Variants in DAB1 observed in about 807,000 individuals in gnomAD.
DAB1 encodes disabled homolog 1.
In DAB1, 15 loss-of-function variants were observed where a neutral mutation model predicts 64.6. The observed-to-expected ratio is 0.23, with a 90% CI of 0.16 to 0.36. The LOEUF (loss-of-function observed/expected upper bound fraction) is 0.36. Among genes scored for constraint, DAB1 ranks in the 10% least tolerant of loss-of-function variants. DAB1 has a pLI of 1.00. For synonymous variants in DAB1, 235 were observed against 251.9 expected (o/e 0.93, Z 0.64); for missense variants, 596 against 706.7 (o/e 0.84, Z 1.78).
rs369564505 is a variant in DAB1, at chr1:57,644,068, C to T, written n.625+5524G>A. ...TCTATATCACCTTGTGCCTTGTCAA[C>T]ATTCAGAATCAAGGCATTATCTTCG... On this transcript the variant is annotated intron_variant and non_coding_transcript_variant, in intron 7 of 20. Transcript: ENST00000485760. Among the ~76,000 whole-genome samples, 11 of 152,264 alleles carry T rather than the reference C, an allele frequency of 7.2e-5. No homozygotes were observed. In the East Asian group the frequency reaches 1.7e-3, roughly 24 times the overall value.
intron 5 of DAB1, among the ~76,000 whole-genome samples, chr1:57,906,866 T>C (rs759342861): frequency 6.6e-6 from 1 of 152,094 alleles, no homozygotes; most frequent in Non-Finnish European, 1.5e-5. Flanking sequence ...GATAAATGAA[T>C]AGATGTGTAT....
chr1:57,303,681 A>C lies in DAB1; in HGVS notation c.-136-12515T>G, dbSNP rs953979473. On this transcript the variant is annotated intron_variant, in intron 1 of 14. Coordinates refer to ENST00000371236, the MANE Select transcript of DAB1 (RefSeq NM_001365792.1). ...TAGAAAAACAAACAAACAAAAAAAAACAGATAATTAGGAAGGGGAAAGAGA... is the reference window on the plus strand; with the variant it reads ...TAGAAAAACAAACAAACAAAAAAAACCAGATAATTAGGAAGGGGAAAGAGA... Among the ~76,000 whole-genome samples, 13 of 152,246 alleles carry C rather than the reference A, an allele frequency of 8.5e-5. No homozygotes were observed. The East Asian group carries it at 9.7e-4, about 11-fold the overall frequency.
intron 7 of DAB1, among the ~76,000 whole-genome samples, chr1:57,490,375 C>T (rs944707832): frequency 4.6e-5 from 7 of 152,152 alleles, no homozygotes; most frequent in East Asian, 1.9e-4. Flanking sequence ...TCAGTACTCA[C>T]TTTATTATTT....
chr1:57,171,303 T>C (rs17541376), intron 2 of DAB1, among the ~76,000 whole-genome samples: 10,257 of 152,250 alleles, frequency 0.067, 469 homozygotes, highest in Non-Finnish European at 0.1. Context: ...ATTTTAAAAC[T>C]GCTCAATTAA....
chr1:57,007,893 G>A (rs1048001909), intron 14 of DAB1, among the ~76,000 whole-genome samples: 2 of 152,178 alleles, frequency 1.3e-5, no homozygotes, highest in African/African-American at 4.8e-5. Flanking sequence ...GGTGGATGGG[G>A]GAATGGGATG....
At chr1:58,426,933 C>T (rs1165760891) in intron 3 of DAB1, among the ~76,000 whole-genome samples, 2 of 152,186 alleles carry the variant, frequency 1.3e-5, no homozygotes, top group Admixed American at 6.5e-5. Flanking sequence ...GGAAAGGCCT[C>T]ACTGCAAAGA....
intron 5 of DAB1, among the ~76,000 whole-genome samples, chr1:58,070,528 G>T (rs1191827239): frequency 2.0e-5 from 3 of 152,178 alleles, no homozygotes; most frequent in African/African-American, 7.2e-5. Flanking sequence ...GTCACATAAT[G>T]GCTTTAACCA....
At chr1:57,906,258 T>A (rs1256455317) in intron 5 of DAB1, among the ~76,000 whole-genome samples, 2 of 152,162 alleles carry the variant, frequency 1.3e-5, no homozygotes, top group East Asian at 3.8e-4. Flanking sequence ...CCAATACCTA[T>A]ATAGCATCAG....
At position 58,235,322 on chromosome 1, in the gene DAB1, T is replaced by C. The variant is rs575582806; in HGVS notation, n.310-84734A>G. ...TGAAGGTCAGATATTTGGTAAGAGG[T>C]GGAACTAGGATCTGAATGCAGCACT... is the stretch of plus-strand genomic sequence containing the variant. On this transcript the variant is annotated intron_variant and non_coding_transcript_variant, in intron 4 of 20. Transcript: ENST00000485760. 3.9e-3 allele frequency among the ~76,000 whole-genome samples: 592 copies of C among 152,278 alleles called. 2 individuals are homozygous for C. The highest frequency in any genetic ancestry group is 6.2e-3 in the Non-Finnish European group (423 of 68,022).
intron 2 of DAB1, among the ~76,000 whole-genome samples, chr1:57,210,568 T>A (rs1339998466): frequency 6.6e-6 from 1 of 152,126 alleles, no homozygotes; most frequent in Non-Finnish European, 1.5e-5. Context: ...ACCAAAGGCC[T>A]CATTCATCAA....
At chr1:57,960,493 T>TAAA (rs34447871) in intron 5 of DAB1, among the ~76,000 whole-genome samples, 3 of 139,548 alleles carry the variant, frequency 2.1e-5, no homozygotes, top group African/African-American at 2.7e-5. Flanking sequence ...GGAACCAAAT[T>TAAA]AAAAAAAAAA....
At chr1:58,179,886 CA>C (rs1570453597) in intron 4 of DAB1, among the ~76,000 whole-genome samples, 1 of 151,868 alleles carries the variant, frequency 6.6e-6, no homozygotes, top group East Asian at 1.9e-4. Flanking sequence ...GGTTCTACAT[CA>C]TTGAATTCAG....
At chr1:57,988,596 G>C (rs747867289) in intron 5 of DAB1, among the ~76,000 whole-genome samples, 3 of 152,128 alleles carry the variant, frequency 2.0e-5, no homozygotes, top group Non-Finnish European at 2.9e-5. Context: ...CCTCTAATGA[G>C]ATGGAATCCC....
At chr1:58,286,578 C>A (rs1395636460) in intron 4 of DAB1, among the ~76,000 whole-genome samples, 1 of 152,186 alleles carries the variant, frequency 6.6e-6, no homozygotes, top group Non-Finnish European at 1.5e-5. Flanking sequence ...AGATCAACAT[C>A]ACTGACTATT....
intron 4 of DAB1, among the ~76,000 whole-genome samples, chr1:57,107,377 TAAAAA>T (rs57669509): frequency 4.2e-4 from 58 of 139,070 alleles, no homozygotes; most frequent in African/African-American, 7.8e-4. Context: ...TCTGTTTCAT[TAAAAA>T]AAAAAAAAAA....
At chr1:58,489,397 G>A (rs1645635691) in intron 3 of DAB1, among the ~76,000 whole-genome samples, 1 of 152,224 alleles carries the variant, frequency 6.6e-6, no homozygotes, top group African/African-American at 2.4e-5. Flanking sequence ...GCTGGGGGAG[G>A]GGTGCCTGCC....
chr1:57,001,136 T>A (rs775630817), intron 14 of DAB1, among the ~76,000 whole-genome samples: 8 of 152,206 alleles, frequency 5.3e-5, no homozygotes, highest in Non-Finnish European at 1.2e-4. Context: ...TTATGGAATC[T>A]TAGACTGTCA....
chr1:57,624,809 G>A (rs1645903074), intron 7 of DAB1, among the ~76,000 whole-genome samples: 1 of 152,166 alleles, frequency 6.6e-6, no homozygotes, highest in African/African-American at 2.4e-5. Context: ...TCCTACATAT[G>A]CTGGCAGACA....
At chr1:57,145,493 A>T in intron 2 of DAB1, 64 bp from the exon 3 acceptor site, 1 of 1,548,268 alleles carries the variant, frequency 6.5e-7, no homozygotes, top group Non-Finnish European at 8.8e-7. Context: ...TTGAGTATCC[A>T]CAATTCCAAG....
Sources: allele counts gnomAD v4.1 joint callset (sites outside exome capture counted in the v4.1 genomes callset), GRCh38; gene constraint gnomAD v4.1.1; transcripts MANE v1.5; gene names NCBI Gene and HGNC (gene_info 2026-07-23, HGNC 2026-07-21).